UST: variants seen among roughly 807,000 people sequenced by gnomAD.
UST encodes uronyl 2-sulfotransferase, also known as chondroitin sulfate 2-O-sulfotransferase.
In UST, 21 loss-of-function variants were observed where a neutral mutation model predicts 45.6. That is an observed-to-expected ratio of 0.46 (90% CI 0.33 to 0.66). The LOEUF is 0.66. UST is among the 30% of genes least tolerant of loss of function. The pLI is 0.02. For synonymous variants in UST, 215 were observed against 200.6 expected (o/e 1.07, Z -0.61); for missense variants, 463 against 512.4 (o/e 0.90, Z 0.93).
intron 1 of UST, among the ~76,000 whole-genome samples, chr6:148,872,255 G>T (rs1778572583): frequency 6.6e-6 from 1 of 152,136 alleles, no homozygotes; most frequent in African/African-American, 2.4e-5. Context: ...TTTAAAAAAT[G>T]ATAATATTTT....
intron 2 of UST, among the ~76,000 whole-genome samples, chr6:148,913,570 TC>T (rs1263586477): frequency 3.9e-5 from 6 of 152,118 alleles, no homozygotes; most frequent in African/African-American, 1.4e-4. Flanking sequence ...ATAAGGAGTT[TC>T]AGGAGAAAAC....
At chr6:148,803,982 T>C (rs6915290) in intron 1 of UST, among the ~76,000 whole-genome samples, 5,343 of 152,322 alleles carry the variant, frequency 0.035, 245 homozygotes, top group African/African-American at 0.11. Context: ...ATGCACTTCG[T>C]GCGGCCAGAG....
At position 149,066,608 on chromosome 6, in the gene UST, G is replaced by A. The variant is rs9386243; in HGVS notation, c.938-7225G>A. ...ATACTGACCCTCATGTTTAGACGGGGGATTTAGGGAGGGATTAAGAAGAGT... is the reference window on the plus strand; with the variant it reads ...ATACTGACCCTCATGTTTAGACGGGAGATTTAGGGAGGGATTAAGAAGAGT... On this transcript the variant is annotated intron_variant, in intron 7 of 7. Transcript: ENST00000367463. Among the ~76,000 whole-genome samples, 1,521 of 152,150 alleles carry A rather than the reference G, an allele frequency of 1.0e-2. 63 individuals are homozygous for A. The highest frequency in any genetic ancestry group is 0.089 in the East Asian group (459 of 5,170).
At chr6:148,792,408 A>G (rs1776867121) in intron 1 of UST, among the ~76,000 whole-genome samples, 2 of 152,170 alleles carry the variant, frequency 1.3e-5, no homozygotes, top group Non-Finnish European at 2.9e-5. Context: ...GTGCTCAGCA[A>G]ACCCCAAAGT....
chr6:149,007,730 C>T (rs1175707328), intron 5 of UST, among the ~76,000 whole-genome samples: 1 of 151,926 alleles, frequency 6.6e-6, no homozygotes, highest in African/African-American at 2.4e-5. Flanking sequence ...GACCTCCAGG[C>T]AAACATTTAA....
rs186928452 is a variant in UST at position 148,772,895 on chromosome 6, A to G, written c.247+25218A>G. Among the ~76,000 whole-genome samples, 6 of 152,336 alleles carry G rather than the reference A, an allele frequency of 3.9e-5. 1 individual carries two copies. In the South Asian group the frequency reaches 6.2e-4, roughly 16 times the overall value. Reference sequence around the variant, plus strand: ...ACTTCCAATTTTACAATAGTTGTCAATTAGAGGATGGAATTGATTTTACTA... The same window carrying G: ...ACTTCCAATTTTACAATAGTTGTCAGTTAGAGGATGGAATTGATTTTACTA... On this transcript the variant is annotated intron_variant, in intron 1 of 7. Coordinates refer to ENST00000367463, the MANE Select transcript of UST (RefSeq NM_005715.3).
At chr6:148,899,181 G>A (rs1338604521) in intron 2 of UST, among the ~76,000 whole-genome samples, 1 of 132,204 alleles carries the variant, frequency 7.6e-6, no homozygotes, top group East Asian at 2.3e-4. Context: ...CTCACTGCAA[G>A]CTCCGCCTCC....
intron 2 of UST, among the ~76,000 whole-genome samples, chr6:148,891,691 C>A (rs1340140859): frequency 6.6e-6 from 1 of 152,062 alleles, no homozygotes; most frequent in African/African-American, 2.4e-5. Context: ...AATTTTCTAC[C>A]TTATTTCTAA....
intron 5 of UST, among the ~76,000 whole-genome samples, chr6:149,007,634 G>A (rs1038714580): frequency 6.7e-6 from 1 of 148,486 alleles, no homozygotes; most frequent in African/African-American, 2.5e-5. Flanking sequence ...ATGTTGGCCA[G>A]ACTAGTCTTG....
intron 5 of UST, among the ~76,000 whole-genome samples, chr6:149,015,831 C>A (rs992425865): frequency 6.6e-6 from 1 of 152,088 alleles, no homozygotes; most frequent in South Asian, 2.1e-4. Flanking sequence ...GAAAGGCATC[C>A]GTCAGAACAG....
intron 2 of UST, among the ~76,000 whole-genome samples, chr6:148,928,147 A>G (rs760529475): frequency 1.3e-5 from 2 of 150,610 alleles, no homozygotes; most frequent in African/African-American, 4.9e-5. Context: ...TTTTCACTCT[A>G]TTGCCCTAGG....
intron 5 of UST, among the ~76,000 whole-genome samples, chr6:148,988,915 C>T: frequency 6.6e-6 from 1 of 152,184 alleles, no homozygotes; most frequent in East Asian, 1.9e-4. Flanking sequence ...AAGTCTGTCA[C>T]TCTCTCCCAC....
chr6:149,049,815 CTAAGA>C (rs1776453631), intron 7 of UST, among the ~76,000 whole-genome samples: 1 of 152,090 alleles, frequency 6.6e-6, no homozygotes, highest in Non-Finnish European at 1.5e-5. Context: ...GCCCCTCTCT[CTAAGA>C]TATCTAACCT....
chr6:148,867,599 A>G (rs1297836103), intron 1 of UST, among the ~76,000 whole-genome samples: 6 of 152,092 alleles, frequency 3.9e-5, no homozygotes, highest in Non-Finnish European at 8.8e-5. Context: ...GTGGTAGTGA[A>G]TAAGTCTCGT....
intron 1 of UST, among the ~76,000 whole-genome samples, chr6:148,814,410 G>T (rs1486075252): frequency 6.6e-6 from 1 of 152,172 alleles, no homozygotes; most frequent in Non-Finnish European, 1.5e-5. Context: ...CCTTCTTGTA[G>T]GGGCATGTGA....
At chr6:148,841,539 T>C (rs1331096839) in intron 1 of UST, among the ~76,000 whole-genome samples, 1 of 151,912 alleles carries the variant, frequency 6.6e-6, no homozygotes, top group Non-Finnish European at 1.5e-5. Context: ...TTTCATTTTC[T>C]CCCTAGCTGT....
intron 1 of UST, among the ~76,000 whole-genome samples, chr6:148,771,005 G>C (rs112604407): frequency 6.6e-6 from 1 of 152,012 alleles, no homozygotes; most frequent in African/African-American, 2.4e-5. Flanking sequence ...TATTGATTTA[G>C]TAGAACAGAG....
chr6:149,038,995 TG>T (rs1776274296), intron 7 of UST, among the ~76,000 whole-genome samples: 4 of 152,232 alleles, frequency 2.6e-5, no homozygotes, highest in African/African-American at 7.2e-5. Context: ...TTTATGTATT[TG>T]TTGTATACAC....
At chr6:148,829,268 G>T (rs1582837870) in intron 1 of UST, among the ~76,000 whole-genome samples, 4 of 152,200 alleles carry the variant, frequency 2.6e-5, no homozygotes, top group Non-Finnish European at 1.5e-5. Context: ...TTATATGGGC[G>T]TGCACCTCTG....
Sources: gnomAD v4.1 joint callset for allele counts (sites outside exome capture counted in the v4.1 genomes callset) on GRCh38, gnomAD v4.1.1 for gene constraint, MANE v1.5 for transcripts, NCBI Gene and HGNC (gene_info 2026-07-23, HGNC 2026-07-21) for gene names.